Variants in LDLRAD4 observed in about 807,000 individuals in gnomAD.
LDLRAD4 encodes the protein low density lipoprotein receptor class A domain containing 4, also known as low-density lipoprotein receptor class A domain-containing protein 4.
In LDLRAD4, 5 loss-of-function variants were observed where a neutral mutation model predicts 17.0. The observed-to-expected ratio is 0.29, with a 90% CI of 0.15 to 0.62. LDLRAD4 has a LOEUF of 0.62. Ranked by LOEUF, LDLRAD4 falls within the 20% of genes least tolerant of loss-of-function variation. LDLRAD4 has a pLI of 0.84. For synonymous variants in LDLRAD4, 168 were observed against 171.8 expected (o/e 0.98, Z 0.17); for missense variants, 340 against 424.7 (o/e 0.80, Z 1.75).
At chr18:13,640,149 T>C (rs11876740) in intron 4 of LDLRAD4, among the ~76,000 whole-genome samples, 2,630 of 151,888 alleles carry the variant, frequency 0.017, 62 homozygotes, top group African/African-American at 0.056. Context: ...CAAAATTAGC[T>C]GGGTGTGGTG....
intron 2 of LDLRAD4, among the ~76,000 whole-genome samples, chr18:13,430,042 C>T (rs547791184): frequency 1.5e-4 from 23 of 152,260 alleles, no homozygotes; most frequent in African/African-American, 3.4e-4. Context: ...CAGGCAGTGA[C>T]GGGCTCTTGG....
chr18:13,481,853 C>G (rs1396003728), intron 3 of LDLRAD4, among the ~76,000 whole-genome samples: 2 of 76,338 alleles, frequency 2.6e-5, no homozygotes, highest in African/African-American at 9.1e-5. Flanking sequence ...GAAAAGATCT[C>G]CTGGAGGAAA....
At chr18:13,234,979 G>A (rs913152986) in intron 1 of LDLRAD4, 3 of 152,116 alleles carry the variant, frequency 2.0e-5, no homozygotes, top group African/African-American at 7.2e-5. Flanking sequence ...GGTTGGCACG[G>A]TGGCTTATGC....
chr18:13,232,918 T>C (rs2042154106), intron 1 of LDLRAD4, among the ~76,000 whole-genome samples: 1 of 152,214 alleles, frequency 6.6e-6, no homozygotes, highest in Admixed American at 6.5e-5. Context: ...CTCCCTGGTG[T>C]GGTCCTCCTG....
intron 3 of LDLRAD4, among the ~76,000 whole-genome samples, chr18:13,512,876 C>T (rs1301642418): frequency 6.6e-6 from 1 of 152,190 alleles, no homozygotes; most frequent in Non-Finnish European, 1.5e-5. Flanking sequence ...GTGGAGATCA[C>T]TTGCACTGAA....
At chr18:13,396,319 G>C (rs1456881183) in intron 2 of LDLRAD4, among the ~76,000 whole-genome samples, 1 of 152,198 alleles carries the variant, frequency 6.6e-6, no homozygotes, top group Non-Finnish European at 1.5e-5. Context: ...AATCAGCCTT[G>C]CTGTCCTTTG....
In LDLRAD4 at chr18:13,245,759, G is replaced by A. The variant is rs559822028; in HGVS notation, c.-467+26771G>A. Among the ~76,000 whole-genome samples the A allele has an allele frequency of 6.6e-5, 10 of 152,368 alleles. No homozygotes were observed. In the South Asian group the frequency reaches 1.9e-3, roughly 28 times the overall value. On this transcript the variant is annotated intron_variant, in intron 1 of 5. Coordinates refer to the LDLRAD4 transcript ENST00000399848. ...TCAGAATGGCAGCTGGTGGCCTGCA[G>A]GTGAGGGGCAGGGCCCTTGCAGCTC...
rs527504733 is a variant in LDLRAD4, at chr18:13,422,021, C to T, written c.41-16223C>T. ...TTACACACCAGTTACGGAACTCCCC[C>T]GGGGAGGAGCTCTGTTTCAAATACG... On this transcript the variant is annotated intron_variant, in intron 2 of 5. Coordinates refer to ENST00000359446, the Ensembl canonical transcript of LDLRAD4. Among the ~76,000 whole-genome samples the T allele has an allele frequency of 5.3e-5, 8 of 152,312 alleles. No homozygotes were observed. The East Asian group carries it at 1.4e-3, about 26-fold the overall frequency.
chr18:13,461,527 A>C (rs962263293), intron 3 of LDLRAD4: 2 of 152,254 alleles, frequency 1.3e-5, no homozygotes, highest in African/African-American at 4.8e-5. Flanking sequence ...CAACAAAAGC[A>C]GAGATTTATT....
chr18:13,487,277 T>G (rs2093249944), intron 3 of LDLRAD4: 1 of 152,298 alleles, frequency 6.6e-6, no homozygotes, highest in Non-Finnish European at 1.5e-5. Flanking sequence ...CCCCTGTCCC[T>G]GGTGTGCTAC....
intron 3 of LDLRAD4, among the ~76,000 whole-genome samples, chr18:13,620,101 G>A (rs1340167601): frequency 3.3e-5 from 5 of 152,206 alleles, no homozygotes; most frequent in South Asian, 2.1e-4. Flanking sequence ...GCACACAGTC[G>A]TAGCCACTGG....
rs551456813 is a variant in LDLRAD4, at chr18:13,450,328, C to G, written c.181+11944C>G. On this transcript the variant is annotated intron_variant, in intron 3 of 5. Coordinates refer to ENST00000359446, the Ensembl canonical transcript of LDLRAD4. ...GTGCAGTTAGCTTCTCTCCCCCCAC[C>G]CCCCCCCCCAAAAAAACACACAAGA... Among the ~76,000 whole-genome samples the G allele has an allele frequency of 3.6e-5, 4 of 112,494 alleles. No homozygotes were observed. In the East Asian group the frequency reaches 1.1e-3, roughly 30 times the overall value. 73.8% of individuals were successfully genotyped at this position (112,494 alleles called of 152,430 possible). A position where few individuals can be genotyped will look rare whatever the true frequency, so the allele number is the denominator to read the frequency against.
chr18:13,574,324 C>G (rs2094736696), intron 3 of LDLRAD4, among the ~76,000 whole-genome samples: 1 of 152,152 alleles, frequency 6.6e-6, no homozygotes, highest in Admixed American at 6.5e-5. Flanking sequence ...TGGCAGCACT[C>G]TTCCCATGCT....
Position 13,636,581 on chromosome 18 carries a change from G to A in LDLRAD4, c.337-6778G>A, listed in dbSNP as rs545156467. ...CGCGATCTCTGCTCACTACAACCTC[G>A]GCCTCCCAGGTTCAAACAATTCTCC... On this transcript the variant is annotated intron_variant, in intron 4 of 5. Transcript: ENST00000359446. Among the ~76,000 whole-genome samples the A allele has an allele frequency of 8.3e-5, 11 of 132,570 alleles. No individual in the cohort carries two copies. The South Asian group carries it at 2.7e-3, about 32-fold the overall frequency. The allele number at this position is 132,570 out of a possible 152,430, so 87.0% of individuals were successfully genotyped here. A position where few individuals can be genotyped will look rare whatever the true frequency, so the allele number is the denominator to read the frequency against.
At chr18:13,314,472 A>G (rs1420835924) in intron 1 of LDLRAD4, among the ~76,000 whole-genome samples, 1 of 152,238 alleles carries the variant, frequency 6.6e-6, no homozygotes. Context: ...AATACCCTGT[A>G]GACCGACATT....
intron 2 of LDLRAD4, among the ~76,000 whole-genome samples, chr18:13,395,654 G>A (rs2086621467): frequency 1.1e-5 from 1 of 86,964 alleles, no homozygotes; most frequent in African/African-American, 5.1e-5. Context: ...GAGCTGGCGT[G>A]GGGGCAGGAG....
At chr18:13,563,496 T>C (rs1400043947) in intron 3 of LDLRAD4, among the ~76,000 whole-genome samples, 1 of 152,214 alleles carries the variant, frequency 6.6e-6, no homozygotes, top group Non-Finnish European at 1.5e-5. Context: ...GAAAGGGGGA[T>C]AGTCTTCATT....
intron 2 of LDLRAD4, among the ~76,000 whole-genome samples, chr18:13,403,110 A>G (rs3931961): frequency 0.55 from 84,106 of 152,122 alleles, 23,981 homozygotes; most frequent in Admixed American, 0.61. Flanking sequence ...CTAAAACAAC[A>G]TGAAGAGGAT....
chr18:13,593,601 C>T (rs1438503462), intron 3 of LDLRAD4, among the ~76,000 whole-genome samples: 1 of 152,174 alleles, frequency 6.6e-6, no homozygotes, highest in African/African-American at 2.4e-5. Flanking sequence ...ATCCATCCAT[C>T]CATCCTATTT....
Sources: allele counts gnomAD v4.1 joint callset (sites outside exome capture counted in the v4.1 genomes callset), GRCh38; gene constraint gnomAD v4.1.1; transcripts MANE v1.5; gene names NCBI Gene and HGNC (gene_info 2026-07-23, HGNC 2026-07-21).